SPAST: variants seen among roughly 807,000 people sequenced by gnomAD.
The protein encoded by SPAST is spastic paraplegia 4 (autosomal dominant; spastin).
In SPAST, 30 loss-of-function variants were observed where a neutral mutation model predicts 76.6. The ratio of observed to expected loss-of-function variants is 0.39; its 90% confidence interval spans 0.29 to 0.53. The LOEUF (loss-of-function observed/expected upper bound fraction) is 0.53. Among genes scored for constraint, SPAST ranks in the 20% least tolerant of loss-of-function variants. The pLI is 0.68. For missense variants in SPAST, 717 were observed against 770.5 expected (o/e 0.93, Z 0.82); for synonymous variants, 305 against 281.0 (o/e 1.09, Z -0.86).
chr2:32,070,978 A>G (rs1181985911), intron 1 of SPAST, among the ~76,000 whole-genome samples: 1 of 152,218 alleles, frequency 6.6e-6, no homozygotes, highest in Non-Finnish European at 1.5e-5. Context: ...AATGGACTCA[A>G]AATATTGTAC....
At chr2:32,109,847 CATATATAGTTACATATCTATATGCATAT>C (rs1678468111) in intron 4 of SPAST, among the ~76,000 whole-genome samples, 1 of 148,464 alleles carries the variant, frequency 6.7e-6, no homozygotes, top group Non-Finnish European at 1.5e-5. Context: ...TATGCATATA[CATATATAGTTACATATCTATATGCATAT>C]ACATATATAG....
chr2:32,110,704 C>T (rs1165332891), intron 4 of SPAST, among the ~76,000 whole-genome samples: 2 of 128,254 alleles, frequency 1.6e-5, no homozygotes, highest in Non-Finnish European at 3.2e-5. Flanking sequence ...ATATAGTGTA[C>T]ATAGTATACT....
intron 7 of SPAST, among the ~76,000 whole-genome samples, chr2:32,116,497 A>C (rs1047425102): frequency 6.6e-6 from 1 of 152,098 alleles, no homozygotes; most frequent in Non-Finnish European, 1.5e-5. Context: ...AGTCTCACTC[A>C]TTGTGTCGCC....
In SPAST at chr2:32,136,938, A is replaced by T. The variant is rs770468952; in HGVS notation, c.1383A>T (p.Leu461=). 3.1e-6 allele frequency: 5 copies of T among 1,613,358 alleles called. No individual in the cohort carries two copies. The African/African-American group carries it at 6.7e-5, about 22-fold the overall frequency. ...GGGAGCACGATGCTAGTAGACGCCT[A>T]AAAACTGAATTTCTAATAGAATTTG... ...REGEHDASRR[L]KTEFLIEFDG... The change falls in exon 11 of 17, where the codon CTA becomes CTT. Residue 461 remains leucine, a synonymous_variant. Coordinates refer to ENST00000315285, the MANE Select transcript of SPAST (RefSeq NM_014946.4).
At chr2:32,104,264 T>A (rs1678233332) in intron 4 of SPAST, among the ~76,000 whole-genome samples, 1 of 152,158 alleles carries the variant, frequency 6.6e-6, no homozygotes, top group Admixed American at 6.6e-5. Flanking sequence ...ATCAGAGAGT[T>A]GGATTGCAAA....
chr2:32,067,483 A>G (rs538740821), intron 1 of SPAST, among the ~76,000 whole-genome samples: 30 of 152,308 alleles, frequency 2.0e-4, no homozygotes, highest in Non-Finnish European at 3.7e-4. Flanking sequence ...TTGAAGAAAT[A>G]GCAGTTCCAT....
At chr2:32,142,088 C>CT (rs1327429363) in intron 13 of SPAST, 142 bp downstream of exon 13, 15 of 672,370 alleles carry the variant, frequency 2.2e-5, no homozygotes, top group African/African-American at 3.6e-5. Flanking sequence ...CATAAGCTTA[C>CT]TGTCAGAGCC....
chr2:32,137,271 T>G, intron 12 of SPAST, 83 bp downstream of exon 12: 2 of 1,111,702 alleles, frequency 1.8e-6, no homozygotes, highest in Non-Finnish European at 2.8e-6. Flanking sequence ...ATTTCCTTAC[T>G]CTCAGTTTTA....
intron 4 of SPAST, among the ~76,000 whole-genome samples, chr2:32,109,962 A>G (rs1229411874): frequency 6.7e-6 from 1 of 148,594 alleles, no homozygotes; most frequent in East Asian, 1.9e-4. Context: ...ATGTATATGT[A>G]TATGTATATA....
intron 16 of SPAST, among the ~76,000 whole-genome samples, chr2:32,150,987 C>T (rs568536874): frequency 9.9e-4 from 143 of 144,458 alleles, no homozygotes; most frequent in Middle Eastern, 4.0e-3. Context: ...TGTTGTTGCC[C>T]AGGCTGGAGT....
At chr2:32,068,069 C>T (rs555259136) in intron 1 of SPAST, among the ~76,000 whole-genome samples, 21 of 150,996 alleles carry the variant, frequency 1.4e-4, no homozygotes, top group African/African-American at 5.1e-4. Context: ...AGCTCCGCCT[C>T]CCGGGTTCAC....
intron 12 of SPAST, among the ~76,000 whole-genome samples, chr2:32,138,015 C>T (rs1323847598): frequency 6.6e-6 from 1 of 152,200 alleles, no homozygotes; most frequent in African/African-American, 2.4e-5. Flanking sequence ...CTGCGTAGTA[C>T]ATAGTATTCC....
chr2:32,076,405 AGAC>A (rs1428879386), intron 1 of SPAST, among the ~76,000 whole-genome samples: 1 of 152,068 alleles, frequency 6.6e-6, no homozygotes, highest in Admixed American at 6.6e-5. Flanking sequence ...TTTTTCTTGT[AGAC>A]ACAGGGTCCT....
intron 4 of SPAST, among the ~76,000 whole-genome samples, chr2:32,114,254 T>A (rs906423816): frequency 9.9e-5 from 15 of 151,866 alleles, no homozygotes; most frequent in South Asian, 2.1e-4. Context: ...ATAAAAAAAA[T>A]TTTTAATTAG....
chr2:32,143,152 C>A (rs1255441667), intron 13 of SPAST, among the ~76,000 whole-genome samples, 184 bp from the exon 14 acceptor site: 2 of 152,028 alleles, frequency 1.3e-5, no homozygotes, highest in African/African-American at 4.8e-5. Flanking sequence ...CCTTTGGTCC[C>A]AGTTACTCGG....
intron 1 of SPAST, among the ~76,000 whole-genome samples, chr2:32,069,669 G>A (rs1015700876): frequency 2.0e-5 from 3 of 150,720 alleles, no homozygotes; most frequent in African/African-American, 7.3e-5. Context: ...CCATTTTCCT[G>A]CCTCAGCCTC....
intron 9 of SPAST, among the ~76,000 whole-genome samples, chr2:32,131,634 T>C (rs1174144003): frequency 6.6e-6 from 1 of 151,642 alleles, no homozygotes; most frequent in Non-Finnish European, 1.5e-5. Flanking sequence ...CTCCAGTGAG[T>C]GTGGCCTTTC....
chr2:32,072,208 A>AT (rs34117849), intron 1 of SPAST, among the ~76,000 whole-genome samples: 3 of 151,166 alleles, frequency 2.0e-5, no homozygotes, highest in Non-Finnish European at 4.4e-5. Flanking sequence ...ATGCCCAGCT[A>AT]TTTTTTTTGT....
At chr2:32,088,576 G>A (rs967454905) in intron 2 of SPAST, among the ~76,000 whole-genome samples, 4 of 152,286 alleles carry the variant, frequency 2.6e-5, no homozygotes, top group South Asian at 2.1e-4. Flanking sequence ...CCCAGGAGGC[G>A]GAGGTTGTGG....
Sources: allele counts gnomAD v4.1 joint callset (sites outside exome capture counted in the v4.1 genomes callset), GRCh38; gene constraint gnomAD v4.1.1; transcripts MANE v1.5; gene names NCBI Gene and HGNC (gene_info 2026-07-23, HGNC 2026-07-21).